GALNT1: variants seen among roughly 807,000 people sequenced by gnomAD.
The protein encoded by GALNT1 is polypeptide N-acetylgalactosaminyltransferase 1, also known as GalNAc transferase 1.
Under a neutral mutation model 65.7 loss-of-function variants are expected in GALNT1, and 17 were observed. The ratio of observed to expected loss-of-function variants is 0.26; its 90% CI spans 0.18 to 0.39. The LOEUF (loss-of-function observed/expected upper bound fraction) is 0.39, where lower values mean the gene tolerates loss of function less well. Among genes scored for constraint, GALNT1 ranks in the 10% least tolerant of loss-of-function variants. The probability of loss-of-function intolerance (pLI) is 1.00; values close to 1 mark genes in which losing one functional copy is unlikely to be tolerated. For synonymous variants in GALNT1, 210 were observed against 219.7 expected (o/e 0.96, Z 0.39); for missense variants, 460 against 672.8 (o/e 0.68, Z 3.50).
At chr18:35,617,997 C>T (rs1029357368) in intron 1 of GALNT1, among the ~76,000 whole-genome samples, 4 of 151,384 alleles carry the variant, frequency 2.6e-5, no homozygotes, top group Admixed American at 6.6e-5. Flanking sequence ...TTTGCTCTAG[C>T]AGATAAAGGT....
At chr18:35,627,763 G>A (rs1157582817) in intron 1 of GALNT1, among the ~76,000 whole-genome samples, 1 of 150,878 alleles carries the variant, frequency 6.6e-6, no homozygotes, top group Non-Finnish European at 1.5e-5. Flanking sequence ...GCTGAAGCAG[G>A]GCGAGGCATC....
chr18:35,618,772 C>G (rs1236761201), intron 1 of GALNT1, among the ~76,000 whole-genome samples: 2 of 151,950 alleles, frequency 1.3e-5, no homozygotes, highest in African/African-American at 2.4e-5. Context: ...GAAGCAAATC[C>G]TATAATCAGC....
At position 35,711,073 on chromosome 18, in the gene GALNT1, A is replaced by C. The variant is rs971989220; in HGVS notation, c.*1303A>C. On this transcript the variant is annotated 3_prime_UTR_variant, in exon 12 of 12. Transcript: ENST00000269195. ...AATAGGCTTGCATTTCTTTTCCTAA[A>C]TCTTATTTAGGCTAAATCAGTTTTA... 2 of 152,528 alleles carry C rather than the reference A, an allele frequency of 1.3e-5. No homozygotes were observed. The highest frequency in any genetic ancestry group is 4.8e-5 in the African/African-American group (2 of 41,428). The allele number at this position is 152,528 out of a possible 1,614,324, so 9.4% of individuals were successfully genotyped here.
chr18:35,609,248 G>A (rs1480965118), intron 1 of GALNT1, among the ~76,000 whole-genome samples: 10 of 152,174 alleles, frequency 6.6e-5, no homozygotes, highest in African/African-American at 2.4e-4. Context: ...TAGTGGTACT[G>A]TAGAGGATAG....
intron 1 of GALNT1, among the ~76,000 whole-genome samples, chr18:35,643,628 C>G (rs987703457): frequency 6.6e-6 from 1 of 151,842 alleles, no homozygotes; most frequent in Non-Finnish European, 1.5e-5. Context: ...GGCGTGGTGG[C>G]AGGCACCTGT....
chr18:35,625,575 T>A (rs1196756084), intron 1 of GALNT1, among the ~76,000 whole-genome samples: 1 of 152,188 alleles, frequency 6.6e-6, no homozygotes, highest in Non-Finnish European at 1.5e-5. Flanking sequence ...AGACTTCTTG[T>A]GCAGAAGATG....
At position 35,710,917 on chromosome 18, in the gene GALNT1, A is replaced by G. The variant is rs1028734305; in HGVS notation, c.*1147A>G. 4 of 152,660 alleles carry G rather than the reference A, an allele frequency of 2.6e-5. No individual in the cohort carries two copies. Among genetic ancestry groups the G allele is most frequent in the African/African-American group, 7.2e-5 (3 of 41,456 alleles). The allele number at this position is 152,660 out of a possible 1,614,324, so 9.5% of individuals were successfully genotyped here. On this transcript the variant is annotated 3_prime_UTR_variant, in exon 12 of 12. Coordinates refer to ENST00000269195, the MANE Select transcript of GALNT1 (RefSeq NM_020474.4). Reference sequence around the variant, plus strand: ...ATACTCAGATATGCTTCATTGTCAAATGCATATTTAGATTAGATTATTGAA... The same window carrying G: ...ATACTCAGATATGCTTCATTGTCAAGTGCATATTTAGATTAGATTATTGAA...
chr18:35,581,891 C>T (rs2046324705), intron 1 of GALNT1, 29 bp downstream of exon 1: 1 of 149,876 alleles, frequency 6.7e-6, no homozygotes, highest in South Asian at 1.8e-4. Flanking sequence ...GCTGGGCAGT[C>T]CCGGAGCCGC....
intron 1 of GALNT1, among the ~76,000 whole-genome samples, chr18:35,602,765 A>G (rs1284310509): frequency 6.6e-6 from 1 of 151,996 alleles, no homozygotes; most frequent in African/African-American, 2.4e-5. Context: ...TTTCTGTGTT[A>G]CCTTGGAGCT....
intron 1 of GALNT1, among the ~76,000 whole-genome samples, chr18:35,626,759 G>A (rs1305129062): frequency 1.3e-5 from 2 of 152,172 alleles, no homozygotes; most frequent in African/African-American, 4.8e-5. Flanking sequence ...ATGGCATGTT[G>A]ATGATGGCTT....
rs927325919 is a variant in GALNT1 at position 35,711,360 on chromosome 18, G to T, written c.*1590G>T. 6.6e-6 allele frequency: 1 copy of T among 152,522 alleles called. No homozygotes were observed. The highest frequency in any genetic ancestry group is 1.5e-5 in the Non-Finnish European group (1 of 68,016). The allele number at this position is 152,522 out of a possible 1,614,324, so 9.4% of individuals were successfully genotyped here. A position where few individuals can be genotyped will look rare whatever the true frequency, so the allele number is the denominator to read the frequency against. On this transcript the variant is annotated 3_prime_UTR_variant, in exon 12 of 12. Coordinates refer to ENST00000269195, the MANE Select transcript of GALNT1 (RefSeq NM_020474.4). ...GTGCCTAAGAATGTTTCCAAAAGTCGCATCGCTAATGATATTTGCCAAGTT... is the reference window on the plus strand; with the variant it reads ...GTGCCTAAGAATGTTTCCAAAAGTCTCATCGCTAATGATATTTGCCAAGTT...
At chr18:35,613,227 A>G (rs930066994) in intron 1 of GALNT1, among the ~76,000 whole-genome samples, 3 of 152,140 alleles carry the variant, frequency 2.0e-5, no homozygotes, top group Non-Finnish European at 4.4e-5. Flanking sequence ...CCTAGAATAT[A>G]TTTGTTAATT....
At chr18:35,617,879 A>G (rs920651187) in intron 1 of GALNT1, among the ~76,000 whole-genome samples, 1 of 152,168 alleles carries the variant, frequency 6.6e-6, no homozygotes, top group Non-Finnish European at 1.5e-5. Context: ...GCTTTCCTTA[A>G]AAAAATAAAA....
chr18:35,662,075 G>A (rs1015550160), intron 2 of GALNT1, among the ~76,000 whole-genome samples: 4 of 152,110 alleles, frequency 2.6e-5, no homozygotes, highest in African/African-American at 9.7e-5. Flanking sequence ...TCAGAGACTG[G>A]CAAGTAGAAA....
chr18:35,702,996 G>C lies in GALNT1; in HGVS notation c.1398+1G>C. Reference sequence around the variant, plus strand: ...TTGCCATGGTATGGGGGGTAATCAGGTGAGTATCTTAGAAAACTCTTAAAA... The same window carrying C: ...TTGCCATGGTATGGGGGGTAATCAGCTGAGTATCTTAGAAAACTCTTAAAA... On this transcript the variant is annotated splice_donor_variant, in intron 10 of 11. Transcript: ENST00000269195. LOFTEE classifies it high-confidence loss of function. The C allele has an allele frequency of 6.4e-7, 1 of 1,569,062 alleles. No individual in the cohort carries two copies. Among genetic ancestry groups the C allele is most frequent in the Non-Finnish European group, 8.7e-7 (1 of 1,154,552 alleles).
At position 35,664,097 on chromosome 18, in the gene GALNT1, AT is replaced by A. The variant is rs528755378; in HGVS notation, c.314+298del. On this transcript the variant is annotated intron_variant, in intron 3 of 11. Coordinates refer to ENST00000269195, the MANE Select transcript of GALNT1 (RefSeq NM_020474.4). Reference sequence around the variant, plus strand: ...CACATACTCAACTTTTTACAAAAAGATTTAAGTTGTATGTAACTTGAAACAG... The same window carrying A: ...CACATACTCAACTTTTTACAAAAAGATTAAGTTGTATGTAACTTGAAACAG... 287 of 345,220 alleles carry A rather than the reference AT, an allele frequency of 8.3e-4. 1 individual carries two copies. The highest frequency in any genetic ancestry group is 6.9e-3 in the South Asian group (238 of 34,530). The allele number at this position is 345,220 out of a possible 1,614,324, so 21.4% of individuals were successfully genotyped here.
In GALNT1 at chr18:35,663,698, G is replaced by T; in HGVS notation, c.210G>T (p.Glu70Asp). ...EMGKPVVIPK[E>D]DQEKMKEMFK... ...GGAAACCAGTCGTCATTCCTAAAGA[G>T]GATCAAGAAAAGATGAAAGAGATGT... The change falls in exon 3 of 12, where the codon GAG becomes GAT. Residue 70 changes from glutamate to aspartate, a missense_variant. Transcript: ENST00000269195. The T allele has an allele frequency of 6.2e-7, 1 of 1,613,956 alleles. No individual in the cohort carries two copies. Among genetic ancestry groups the T allele is most frequent in the Non-Finnish European group, 8.5e-7 (1 of 1,179,930 alleles).
At chr18:35,645,106 G>C (rs1302302994) in intron 1 of GALNT1, among the ~76,000 whole-genome samples, 1 of 149,530 alleles carries the variant, frequency 6.7e-6, no homozygotes, top group African/African-American at 2.5e-5. Flanking sequence ...GAATAACCTT[G>C]TATTCATTTT....
chr18:35,707,658 A>G (rs189257707), intron 11 of GALNT1, among the ~76,000 whole-genome samples: 7 of 152,376 alleles, frequency 4.6e-5, no homozygotes, highest in African/African-American at 1.4e-4. Context: ...GATGAGTGAA[A>G]TGCACATTTT....
Sources: allele counts gnomAD v4.1 joint callset (sites outside exome capture counted in the v4.1 genomes callset), GRCh38; gene constraint gnomAD v4.1.1; transcripts MANE v1.5; gene names NCBI Gene and HGNC (gene_info 2026-07-23, HGNC 2026-07-21).